Variants in SLC22A16 observed in about 807,000 individuals in gnomAD.
The protein encoded by SLC22A16 is WUGSC:RG331P03.1.
SLC22A16 carries 53 observed loss-of-function variants against 52.9 expected under a neutral mutation model. The observed-to-expected ratio is 1.00, with a 90% CI of 0.80 to 1.26. The LOEUF (loss-of-function observed/expected upper bound fraction) is 1.26. SLC22A16 is among the 50% of genes most tolerant of loss of function. The pLI is 0.00. For synonymous variants in SLC22A16, 291 were observed against 268.8 expected, an observed-to-expected ratio of 1.08 and a Z score of -0.81; for missense variants, 726 against 704.0, an observed-to-expected ratio of 1.03 and a Z score of -0.35.
chr6:110,463,471 GTTC>G (rs1405095499), intron 1 of SLC22A16, among the ~76,000 whole-genome samples: 5 of 108,198 alleles, frequency 4.6e-5, no homozygotes, highest in African/African-American at 1.8e-4. Context: ...AGCAGGAGTT[GTTC>G]TTCTTATATC....
intron 1 of SLC22A16, among the ~76,000 whole-genome samples, chr6:110,462,442 A>C (rs1302067038): frequency 6.6e-6 from 1 of 152,234 alleles, no homozygotes; most frequent in Non-Finnish European, 1.5e-5. Flanking sequence ...GCTGAAAATC[A>C]ACCCCCAAAA....
intron 5 of SLC22A16, among the ~76,000 whole-genome samples, chr6:110,438,068 C>T (rs533805035): frequency 4.6e-5 from 7 of 152,212 alleles, no homozygotes; most frequent in Admixed American, 3.9e-4. Flanking sequence ...GTGCACCATC[C>T]TCGACCACCC....
chr6:110,434,572 G>T (rs73764912), intron 6 of SLC22A16, among the ~76,000 whole-genome samples: 233 of 141,604 alleles, frequency 1.6e-3, no homozygotes, highest in African/African-American at 5.7e-3. Flanking sequence ...AAGCTTGGAA[G>T]TCCCTGAGGT....
At chr6:110,432,693 C>G (rs1364539563) in intron 6 of SLC22A16, among the ~76,000 whole-genome samples, 1 of 152,214 alleles carries the variant, frequency 6.6e-6, no homozygotes, top group Non-Finnish European at 1.5e-5. Context: ...CAACTTCACT[C>G]TCTATTGCAT....
At chr6:110,454,327 G>A (rs758581075) in intron 2 of SLC22A16, among the ~76,000 whole-genome samples, 133 of 151,520 alleles carry the variant, frequency 8.8e-4, no homozygotes, top group Admixed American at 1.5e-3. Context: ...AACAAATTCC[G>A]CCGAGAGAAT....
intron 3 of SLC22A16, 52 bp downstream of exon 3, chr6:110,446,821 G>A: frequency 2.0e-6 from 3 of 1,495,724 alleles, no homozygotes; most frequent in African/African-American, 1.4e-5. Flanking sequence ...GAGAGTTAAG[G>A]TTTCCTATGA....
intron 1 of SLC22A16, among the ~76,000 whole-genome samples, chr6:110,467,277 C>T (rs910934304): frequency 3.3e-5 from 5 of 151,974 alleles, no homozygotes; most frequent in African/African-American, 7.3e-5. Context: ...TACTTGCTTC[C>T]GCCTTTCCCA....
intron 1 of SLC22A16, among the ~76,000 whole-genome samples, chr6:110,469,966 A>T (rs1302285839): frequency 6.6e-6 from 1 of 152,244 alleles, no homozygotes; most frequent in Non-Finnish European, 1.5e-5. Context: ...ATGTCCATTG[A>T]CAGGAGACTG....
At chr6:110,465,961 A>T (rs1252849974) in intron 1 of SLC22A16, among the ~76,000 whole-genome samples, 3 of 152,200 alleles carry the variant, frequency 2.0e-5, no homozygotes, top group Non-Finnish European at 4.4e-5. Flanking sequence ...GGAACAAAAT[A>T]GAGAATCCAG....
At chr6:110,439,305 G>A (rs2114925571) in intron 4 of SLC22A16, among the ~76,000 whole-genome samples, 1 of 152,256 alleles carries the variant, frequency 6.6e-6, no homozygotes, top group South Asian at 2.1e-4. Context: ...GACAATTTAT[G>A]TCTTTGGCAA....
At chr6:110,446,147 C>T (rs1775162533) in intron 3 of SLC22A16, among the ~76,000 whole-genome samples, 1 of 152,118 alleles carries the variant, frequency 6.6e-6, no homozygotes, top group African/African-American at 2.4e-5. Context: ...GCTCCTCCTC[C>T]AGATGGAAAC....
intron 2 of SLC22A16, among the ~76,000 whole-genome samples, chr6:110,452,419 T>A (rs1261544266): frequency 2.6e-5 from 4 of 152,208 alleles, no homozygotes; most frequent in South Asian, 4.1e-4. Context: ...CCTTTCCTTC[T>A]ACCTCTTTCT....
intron 2 of SLC22A16, among the ~76,000 whole-genome samples, chr6:110,455,214 C>T (rs1419989491): frequency 6.6e-6 from 1 of 150,820 alleles, no homozygotes; most frequent in Non-Finnish European, 1.5e-5. Context: ...ATTTATATCC[C>T]GTTTTTGTCA....
At chr6:110,427,101 A>C (rs938526692) in intron 7 of SLC22A16, among the ~76,000 whole-genome samples, 4 of 151,358 alleles carry the variant, frequency 2.6e-5, no homozygotes, top group Admixed American at 2.6e-4. Context: ...TATAAAAATT[A>C]GCCAGGTGTG....
At chr6:110,461,959 A>G (rs766244167) in intron 1 of SLC22A16, among the ~76,000 whole-genome samples, 36 of 152,236 alleles carry the variant, frequency 2.4e-4, no homozygotes, top group Non-Finnish European at 4.7e-4. Context: ...GGTTTATTGG[A>G]CTTACAGTTC....
chr6:110,460,653 G>A (rs1361446529), intron 1 of SLC22A16, among the ~76,000 whole-genome samples: 1 of 152,172 alleles, frequency 6.6e-6, no homozygotes, highest in Admixed American at 6.5e-5. Context: ...ACTCCCCTCA[G>A]GCCTGAACTG....
At chr6:110,467,668 G>GT (rs1776117122) in intron 1 of SLC22A16, among the ~76,000 whole-genome samples, 1 of 152,190 alleles carries the variant, frequency 6.6e-6, no homozygotes, top group African/African-American at 2.4e-5. Context: ...TTTAGCCTGG[G>GT]TCCCCCATCA....
chr6:110,445,799 C>T (rs1317956477), intron 3 of SLC22A16, among the ~76,000 whole-genome samples: 2 of 152,072 alleles, frequency 1.3e-5, no homozygotes, highest in African/African-American at 4.8e-5. Flanking sequence ...AGGTTTCTCT[C>T]GTGAAATCTC....
intron 1 of SLC22A16, among the ~76,000 whole-genome samples, chr6:110,469,105 G>A (rs1296680399): frequency 6.6e-6 from 1 of 152,130 alleles, no homozygotes; most frequent in Admixed American, 6.5e-5. Context: ...TGCTTCTATT[G>A]CACAGATTGT....
Sources: gnomAD v4.1 joint callset for allele counts (sites outside exome capture counted in the v4.1 genomes callset) on GRCh38, gnomAD v4.1.1 for gene constraint, MANE v1.5 for transcripts, NCBI Gene and HGNC (gene_info 2026-07-23, HGNC 2026-07-21) for gene names.